Variants in RPL13A observed in about 807,000 individuals in gnomAD.
The protein encoded by RPL13A is ribosomal protein L13a.
A neutral mutation model predicts 30.8 loss-of-function variants in RPL13A; 4 were observed. The observed-to-expected ratio is 0.13, with a 90% CI of 0.06 to 0.30. The LOEUF (loss-of-function observed/expected upper bound fraction) is 0.30, where lower values mean the gene tolerates loss of function less well. RPL13A is among the 10% of genes least tolerant of loss of function. RPL13A has a pLI of 1.00. For synonymous variants in RPL13A, 108 were observed against 104.2 expected (o/e 1.04, Z -0.22); for missense variants, 196 against 272.6 (o/e 0.72, Z 1.98).
At position 49,492,032 on chromosome 19, in the gene RPL13A, G is replaced by A. The variant is rs1204467903; in HGVS notation, c.*217G>A. On this transcript the variant is annotated 3_prime_UTR_variant, in exon 8 of 8. Coordinates refer to ENST00000391857, the MANE Select transcript of RPL13A (RefSeq NM_012423.4). ...AGGTGTCATTTATCTATGACCAATA[G>A]GAAGAGCAACCAGTTACTATGAGTG... is the stretch of plus-strand genomic sequence containing the variant. 3 of 529,248 alleles carry A rather than the reference G, an allele frequency of 5.7e-6. No homozygotes were observed. The Admixed American group carries it at 9.6e-5, about 17-fold the overall frequency. The allele number at this position is 529,248 out of a possible 1,614,324, so 32.8% of individuals were successfully genotyped here. A position where few individuals can be genotyped will look rare whatever the true frequency, so the allele number is the denominator to read the frequency against.
At chr19:49,488,586 C>T (rs1192782546) in intron 1 of RPL13A, among the ~76,000 whole-genome samples, 2 of 152,200 alleles carry the variant, frequency 1.3e-5, no homozygotes, top group Non-Finnish European at 2.9e-5. Flanking sequence ...TGATTTTGGG[C>T]CAAGGTCACG....
chr19:49,490,450 G>A (rs754146096), intron 3 of RPL13A, 25 bp from the exon 4 acceptor site: 2 of 1,610,146 alleles, frequency 1.2e-6, no homozygotes, highest in Non-Finnish European at 1.7e-6. Context: ...GACTGGGCAG[G>A]CCTCACACTC....
At position 49,490,342 on chromosome 19, in the gene RPL13A, G is replaced by A. The variant is rs749590995; in HGVS notation, c.154+45G>A. 2.5e-6 allele frequency: 4 copies of A among 1,602,842 alleles called. No homozygotes were observed. In the South Asian group the frequency reaches 3.3e-5, roughly 13 times the overall value. On this transcript the variant is annotated intron_variant, in intron 3 of 7. Coordinates refer to ENST00000391857, the MANE Select transcript of RPL13A (RefSeq NM_012423.4). ...GAGCACTGGAGAGGGTCTCCCTGTGGGGTGTTGAGGCTCTGAAAGCAATTG... is the reference window on the plus strand; with the variant it reads ...GAGCACTGGAGAGGGTCTCCCTGTGAGGTGTTGAGGCTCTGAAAGCAATTG...
rs1180068657 is a variant in RPL13A, at chr19:49,490,501, C to T, written c.181C>T (p.Arg61Trp). Reference protein sequence around the residue: ...KLKYLAFLRKRMNTNPSRGPY... With the variant: ...KLKYLAFLRKWMNTNPSRGPY... ...GAAGTACCTGGCTTTCCTCCGCAAG[C>T]GGATGAACACCAACCCTTCCCGAGG... Residue 61 changes from arginine to tryptophan, a missense_variant, in exon 4 of 8, where the codon CGG (arginine) becomes TGG (tryptophan). Coordinates refer to ENST00000391857, the MANE Select transcript of RPL13A (RefSeq NM_012423.4). 1.9e-6 allele frequency: 3 copies of T among 1,614,220 alleles called. No individual in the cohort carries two copies. The highest frequency in any genetic ancestry group is 2.5e-6 in the Non-Finnish European group (3 of 1,180,040).
intron 1 of RPL13A, 67 bp downstream of exon 1, chr19:49,487,711 C>T (rs2079818909): frequency 2.8e-6 from 4 of 1,432,442 alleles, no homozygotes; most frequent in Non-Finnish European, 3.7e-6. Flanking sequence ...TGGGGTCGCA[C>T]CCTCTCTGTC....
Position 49,490,588 on chromosome 19 carries a change from G to A in RPL13A, c.256+12G>A, listed in dbSNP as rs80300323. ...GCGGACCGTGCGAGGTGAGCAGAGC[G>A]TGGGGACTGCAGGTGGTGACGGGCA... On this transcript the variant is annotated intron_variant, in intron 4 of 7. Coordinates refer to ENST00000391857, the MANE Select transcript of RPL13A (RefSeq NM_012423.4). The A allele has an allele frequency of 1.1e-5, 18 of 1,613,410 alleles. No individual in the cohort carries two copies. Among genetic ancestry groups the A allele is most frequent in the Admixed American group, 5.0e-5 (3 of 60,006 alleles).
At chr19:49,490,380 G>A (rs2079853316) in intron 3 of RPL13A, 83 bp downstream of exon 3, 3 of 1,588,564 alleles carry the variant, frequency 1.9e-6, no homozygotes, top group Admixed American at 3.3e-5. Context: ...GCCGTGTTGG[G>A]AGAGGCTACT....
rs2079855181 is a variant in RPL13A, at chr19:49,490,549, A to G, written c.229A>G (p.Ser77Gly). ...SRGPYHFRAP[S>G]RIFWRTVRGM... is the part of the protein sequence containing the mutation. ...AGGCCCCTACCACTTCCGGGCCCCC[A>G]GCCGCATCTTCTGGCGGACCGTGCG... The change falls in exon 4 of 8, where the codon AGC becomes GGC. Residue 77 changes from serine (S) to glycine (G), a missense_variant. Physicochemically the swap from Ser to Gly is moderately conservative, Grantham distance 56. Coordinates refer to ENST00000391857, the MANE Select transcript of RPL13A (RefSeq NM_012423.4). 1 of 1,614,036 alleles carries G rather than the reference A, an allele frequency of 6.2e-7. No individual in the cohort carries two copies. Among genetic ancestry groups the G allele is most frequent in the African/African-American group, 1.3e-5 (1 of 74,938 alleles).
In RPL13A at chr19:49,489,887, G is replaced by A. The variant is rs1197538012; in HGVS notation, c.53G>A (p.Arg18His). ...GATGGTCGAGGCCATCTCCTGGGCC[G>A]CCTGGCGGCCATCGTGGCTAAACAG... ...VLDGRGHLLG[R>H]LAAIVAKQVL... The change falls in exon 2 of 8, where the codon CGC (arginine) becomes CAC (histidine). Residue 18 changes from arginine (R) to histidine (H), a missense_variant. By Grantham distance (29) the Arg-to-His change is conservative. Transcript: ENST00000391857. 2.5e-6 allele frequency: 4 copies of A among 1,614,012 alleles called. No individual in the cohort carries two copies. The highest frequency in any genetic ancestry group is 1.3e-5 in the African/African-American group (1 of 74,944).
chr19:49,491,631 T>C (rs2079872496), intron 7 of RPL13A, 84 bp downstream of exon 7: 2 of 1,563,304 alleles, frequency 1.3e-6, no homozygotes, highest in South Asian at 2.3e-5. Flanking sequence ...TACTCTTAAC[T>C]GGCAAAGGAC....
chr19:49,491,109 AGCTTAC>A lies in RPL13A; in HGVS notation c.402+14_402+19del. 6.2e-7 allele frequency: 1 copy of A among 1,614,096 alleles called. No individual in the cohort carries two copies. Among genetic ancestry groups the A allele is most frequent in the Non-Finnish European group, 8.5e-7 (1 of 1,180,002 alleles). Reference sequence around the variant, plus strand: ...GAAGCCTACAAGAAAGGTGAGTCCCAGCTTACGCTGCACCATCTACTTGGGAGATTT... The same window carrying A: ...GAAGCCTACAAGAAAGGTGAGTCCCAGCTGCACCATCTACTTGGGAGATTT... On this transcript the variant is annotated intron_variant, in intron 6 of 7. Transcript: ENST00000391857.
intron 4 of RPL13A, 85 bp from the exon 5 acceptor site, chr19:49,490,694 G>T (rs538631326): frequency 1.3e-6 from 2 of 1,576,520 alleles, no homozygotes; most frequent in East Asian, 4.5e-5. Context: ...TACCATCTGA[G>T]GCCACCCCAT....
intron 5 of RPL13A, 57 bp downstream of exon 5, chr19:49,490,921 C>A: frequency 6.2e-7 from 1 of 1,605,800 alleles, no homozygotes; most frequent in South Asian, 1.1e-5. Context: ...CATGATGTTC[C>A]GCAACTACCT....
chr19:49,491,710 C>CT lies in RPL13A; in HGVS notation c.526-18dup, dbSNP rs780287125. On this transcript the variant is annotated intron_variant, in intron 7 of 7. Transcript: ENST00000391857. ...TGCAACCCCTCCTGACCACCACCAC[C>CT]TGCACTTATTCTTGGCAGAGGCTAC... 382 of 1,611,228 alleles carry CT rather than the reference C, an allele frequency of 2.4e-4. No individual in the cohort carries two copies. The highest frequency in any genetic ancestry group is 3.2e-4 in the Non-Finnish European group (375 of 1,178,294).
At chr19:49,490,985 C>A (rs1268773252) in intron 5 of RPL13A, 55 bp from the exon 6 acceptor site, 7 of 1,610,250 alleles carry the variant, frequency 4.3e-6, no homozygotes, top group Non-Finnish European at 5.9e-6. Context: ...GTCCAGCCGA[C>A]CTCCTTCCCT....
intron 4 of RPL13A, 39 bp downstream of exon 4, chr19:49,490,615 G>A: frequency 6.2e-7 from 1 of 1,605,130 alleles, no homozygotes; most frequent in Non-Finnish European, 8.5e-7. Flanking sequence ...TGACGGGCAG[G>A]CGGCCGGTGA....
At chr19:49,487,669 C>T in intron 1 of RPL13A, 25 bp downstream of exon 1, 3 of 1,518,350 alleles carry the variant, frequency 2.0e-6, no homozygotes, top group South Asian at 1.3e-5. Flanking sequence ...CGGGCCGGGG[C>T]GGCAAGGGGC....
Position 49,490,824 on chromosome 19 carries a change from G to A in RPL13A, c.302G>A (p.Arg101His), listed in dbSNP as rs185398696. The change falls in exon 5 of 8, where the codon CGT becomes CAT. Residue 101 changes from arginine (R) to histidine (H), a missense_variant. Transcript: ENST00000391857. ...KTKRGQAALD[R>H]LKVFDGIPPP... ...AAGCGAGGCCAGGCCGCTCTGGACC[G>A]TCTCAAGGTGTTTGACGGCATCCCA... 2.1e-4 allele frequency: 333 copies of A among 1,614,122 alleles called. 2 individuals carry two copies. The East Asian group carries it at 6.3e-3, about 30-fold the overall frequency.
rs528476071 is a variant in RPL13A, at chr19:49,489,711, C to T, written c.16-139C>T. ...TGTTCCTCATCTGTAGAACGGGGCT[C>T]CGTGCATAGTTCCCAGCTCTGATGG... On this transcript the variant is annotated intron_variant, in intron 1 of 7. Transcript: ENST00000391857. 7.0e-5 allele frequency: 51 copies of T among 728,668 alleles called. No individual in the cohort carries two copies. In the South Asian group the frequency reaches 7.6e-4, roughly 11 times the overall value. The allele number at this position is 728,668 out of a possible 1,614,324, so 45.1% of individuals were successfully genotyped here. A position where few individuals can be genotyped will look rare whatever the true frequency, so the allele number is the denominator to read the frequency against.
Sources: gnomAD v4.1 joint callset for allele counts (sites outside exome capture counted in the v4.1 genomes callset) on GRCh38, gnomAD v4.1.1 for gene constraint, MANE v1.5 for transcripts, NCBI Gene and HGNC (gene_info 2026-07-23, HGNC 2026-07-21) for gene names.